The following PCDHA9 variants were observed in gnomAD, a reference collection of about 807,000 sequenced individuals.
PCDHA9 encodes the protein protocadherin alpha-9.
PCDHA9 carries 62 observed loss-of-function variants against 62.0 expected under a neutral mutation model. The ratio of observed to expected loss-of-function variants is 1.00; its 90% confidence interval spans 0.81 to 1.23. The LOEUF is 1.23. PCDHA9 is among the 50% of genes most tolerant of loss of function. The pLI is 0.00. For synonymous variants in PCDHA9, 557 were observed against 567.6 expected, an observed-to-expected ratio of 0.98 and a Z score of 0.27; for missense variants, 1,205 against 1,249.8, an observed-to-expected ratio of 0.96 and a Z score of 0.54.
intron 1 of PCDHA9, chr5:140,876,201 T>C: frequency 1.9e-6 from 3 of 1,613,952 alleles, no homozygotes; most frequent in Non-Finnish European, 1.7e-6. Flanking sequence ...CGGCGTTTGA[T>C]AAGCCCAGCT....
intron 1 of PCDHA9, chr5:140,870,971 T>TG (rs782370379): frequency 3.7e-6 from 6 of 1,613,594 alleles, no homozygotes; most frequent in Non-Finnish European, 5.1e-6. Context: ...CCGTTCCGCG[T>TG]GGGGCTGTAC....
intron 1 of PCDHA9, among the ~76,000 whole-genome samples, chr5:140,912,519 T>G (rs770184717): frequency 6.6e-6 from 1 of 152,164 alleles, no homozygotes. Context: ...TCTTTAGGGT[T>G]TTCAGAGTAC....
chr5:140,884,935 A>G lies in PCDHA9; in HGVS notation c.2394+34046A>G, dbSNP rs577267570. ...AATAGTTCTAAGTATTTATCTTGCA[A>G]TTGAGCATTTACAAAAAATTCCTCA... On this transcript the variant is annotated intron_variant, in intron 1 of 3. Coordinates refer to ENST00000532602, the MANE Select transcript of PCDHA9 (RefSeq NM_031857.2). Among the ~76,000 whole-genome samples, 4 of 152,344 alleles carry G rather than the reference A, an allele frequency of 2.6e-5. No homozygotes were observed. In the East Asian group the frequency reaches 5.8e-4, roughly 22 times the overall value.
At chr5:140,929,293 A>G in intron 1 of PCDHA9, 1 of 1,594,458 alleles carries the variant, frequency 6.3e-7, no homozygotes, top group Non-Finnish European at 8.6e-7. Flanking sequence ...GATTCGGAAT[A>G]GGAAAGGGGA....
intron 1 of PCDHA9, among the ~76,000 whole-genome samples, chr5:140,941,246 T>C (rs1332165821): frequency 7.1e-6 from 1 of 141,078 alleles, no homozygotes; most frequent in East Asian, 2.0e-4. Flanking sequence ...TTTCTTTCTT[T>C]CTTTCTTTCT....
At chr5:140,999,894 G>A (rs1260070986) in intron 3 of PCDHA9, among the ~76,000 whole-genome samples, 3 of 152,096 alleles carry the variant, frequency 2.0e-5, no homozygotes, top group African/African-American at 7.2e-5. Flanking sequence ...TGTAGCTTGG[G>A]ACACCAAACA....
In PCDHA9 at chr5:140,882,320, C is replaced by T. The variant is rs374687530; in HGVS notation, c.2394+31431C>T. The T allele has an allele frequency of 2.8e-5, 45 of 1,614,182 alleles. No homozygotes were observed. The African/African-American group carries it at 5.6e-4, about 20-fold the overall frequency. On this transcript the variant is annotated intron_variant, in intron 1 of 3. Coordinates refer to ENST00000532602, the MANE Select transcript of PCDHA9 (RefSeq NM_031857.2). ...AAGACCGCGGCAACTACTGCTCTGG[C>T]TTCTGATCCTCGCAGCCTGGGAGAC... is the stretch of plus-strand genomic sequence containing the variant.
chr5:140,882,323 C>G, intron 1 of PCDHA9: 1 of 1,614,216 alleles, frequency 6.2e-7, no homozygotes, highest in African/African-American at 1.3e-5. Context: ...GCTCTGGCTT[C>G]TGATCCTCGC....
rs1451679036 is a variant in PCDHA9, at chr5:140,876,215, A to C, written c.2394+25326A>C. On this transcript the variant is annotated intron_variant, in intron 1 of 3. Coordinates refer to ENST00000532602, the MANE Select transcript of PCDHA9 (RefSeq NM_031857.2). ...CCGGCGTTTGATAAGCCCAGCTATA[A>C]AGTAGTGTTGTCTGAAAATGTCCAA... The C allele has an allele frequency of 1.2e-6, 2 of 1,613,890 alleles. No homozygotes were observed. The highest frequency in any genetic ancestry group is 1.7e-6 in the Non-Finnish European group (2 of 1,179,898).
Position 140,848,453 on chromosome 5 carries a change from T to C in PCDHA9, c.-43T>C. On this transcript the variant is annotated 5_prime_UTR_variant, in exon 1 of 4. Transcript: ENST00000532602. ...CGAAATCAGATGATTTCTTCTAATT[T>C]GGAGGCAATTTTCACTAATTAGAAG... is the stretch of plus-strand genomic sequence containing the variant. 2.0e-6 allele frequency: 3 copies of C among 1,519,952 alleles called. 1 individual carries two copies. Among genetic ancestry groups the C allele is most frequent in the Non-Finnish European group, 2.7e-6 (3 of 1,116,942 alleles). The allele number at this position is 1,519,952 out of a possible 1,614,324, so 94.2% of individuals were successfully genotyped here. A position where few individuals can be genotyped will look rare whatever the true frequency, so the allele number is the denominator to read the frequency against.
intron 1 of PCDHA9, among the ~76,000 whole-genome samples, chr5:140,904,056 G>A (rs1474308111): frequency 6.6e-6 from 1 of 151,944 alleles, no homozygotes; most frequent in Non-Finnish European, 1.5e-5. Context: ...TATTTCAATG[G>A]GTTTTTGGGG....
intron 1 of PCDHA9, among the ~76,000 whole-genome samples, chr5:140,902,447 G>A (rs1004773008): frequency 2.6e-5 from 4 of 152,024 alleles, no homozygotes; most frequent in Non-Finnish European, 4.4e-5. Flanking sequence ...TCATATTCTA[G>A]ATCCTAGAGA....
chr5:140,969,283 T>A, intron 1 of PCDHA9: 61 of 1,614,200 alleles, frequency 3.8e-5, no homozygotes, highest in Non-Finnish European at 5.2e-5. Flanking sequence ...GTGGTCAGAA[T>A]GCTGGGAACC....
chr5:140,940,551 T>C (rs2092639776), intron 1 of PCDHA9, among the ~76,000 whole-genome samples: 1 of 152,214 alleles, frequency 6.6e-6, no homozygotes, highest in African/African-American at 2.4e-5. Context: ...TGGGCTCAAG[T>C]GATTCTCCTA....
intron 1 of PCDHA9, among the ~76,000 whole-genome samples, chr5:140,896,658 T>C (rs2065683362): frequency 6.6e-6 from 1 of 152,154 alleles, no homozygotes; most frequent in African/African-American, 2.4e-5. Context: ...ATTACAGGCA[T>C]GAGTCACTGT....
At chr5:140,978,835 A>G in intron 1 of PCDHA9, 114 bp from the exon 2 acceptor site, 2 of 1,550,342 alleles carry the variant, frequency 1.3e-6, no homozygotes, top group Non-Finnish European at 1.7e-6. Flanking sequence ...TGGCTCATTC[A>G]ATACTTTTTT....
At chr5:140,872,638 G>A (rs1429990038) in intron 1 of PCDHA9, among the ~76,000 whole-genome samples, 2 of 152,092 alleles carry the variant, frequency 1.3e-5, no homozygotes, top group Admixed American at 1.3e-4. Flanking sequence ...TTTGTTCCAT[G>A]AAAAGGCAAG....
intron 1 of PCDHA9, among the ~76,000 whole-genome samples, chr5:140,921,151 ATT>A (rs11299094): frequency 0.33 from 49,606 of 151,532 alleles, 8,413 homozygotes; most frequent in East Asian, 0.53. Flanking sequence ...CAGCTAATGC[ATT>A]TTTTTTTTAA....
intron 1 of PCDHA9, chr5:140,928,482 TG>T (rs782531828): frequency 6.2e-7 from 1 of 1,614,024 alleles, no homozygotes; most frequent in African/African-American, 1.3e-5. Context: ...GCCGGGATGG[TG>T]GCATTCCTCC....
Sources: gnomAD v4.1 joint callset for allele counts (sites outside exome capture counted in the v4.1 genomes callset) on GRCh38, gnomAD v4.1.1 for gene constraint, MANE v1.5 for transcripts, NCBI Gene and HGNC (gene_info 2026-07-23, HGNC 2026-07-21) for gene names.